INSL6: variants seen among roughly 807,000 people sequenced by gnomAD.
INSL6 encodes the protein insulin-like peptide INSL6.
INSL6 carries 16 observed loss-of-function variants against 9.4 expected under a neutral mutation model. The observed-to-expected ratio is 1.70, with a 90% CI of 1.15 to 2.59. The LOEUF (loss-of-function observed/expected upper bound fraction) is 2.59. Among genes scored for constraint, INSL6 ranks in the 30% most tolerant of loss-of-function variants. The pLI, the probability that INSL6 is intolerant of heterozygous loss-of-function variation, is 0.00. For missense variants in INSL6, 391 were observed against 257.3 expected, an observed-to-expected ratio of 1.52 and a Z score of -3.56; for synonymous variants, 154 against 96.9, an observed-to-expected ratio of 1.59 and a Z score of -3.46.
At chr9:4,997,001 C>T in the INSL6 span, among the ~76,000 whole-genome samples, 2 of 146,470 alleles carry the variant, frequency 1.4e-5, no homozygotes, top group African/African-American at 5.0e-5. Flanking sequence ...GATCACGGCT[C>T]ACTGCAGCCT....
At chr9:5,054,563 C>G in the INSL6 span, 1 of 1,570,250 alleles carries the variant, frequency 6.4e-7, no homozygotes, top group Middle Eastern at 1.7e-4. The surrounding 1 kb of genome is among the most constrained non-coding windows in gnomAD (Gnocchi z 4.9). Flanking sequence ...TTATCCCTAG[C>G]TACAAGACAT....
the INSL6 span, among the ~76,000 whole-genome samples, chr9:5,022,966 A>G: frequency 2.0e-5 from 3 of 152,260 alleles, no homozygotes; most frequent in Non-Finnish European, 4.4e-5. Context: ...CTTATTTAAG[A>G]TCAGTATAGG....
chr9:5,007,733 T>A, the INSL6 span, among the ~76,000 whole-genome samples: 129 of 151,944 alleles, frequency 8.5e-4, no homozygotes, highest in African/African-American at 2.9e-3. Context: ...GTCTTTTTTT[T>A]TTTTGGAGTG....
the INSL6 span, chr9:5,055,826 A>G: frequency 1.3e-6 from 2 of 1,561,850 alleles, no homozygotes; most frequent in South Asian, 2.3e-5. Context: ...GTTTCATTTT[A>G]TAGTTCTCAG....
At chr9:5,070,512 CT>C in the INSL6 span, among the ~76,000 whole-genome samples, 1 of 151,984 alleles carries the variant, frequency 6.6e-6, no homozygotes, top group African/African-American at 2.4e-5. Context: ...AAAGTTGGCC[CT>C]CTATATACAT....
the INSL6 span, among the ~76,000 whole-genome samples, chr9:5,027,376 C>G: frequency 5.3e-5 from 8 of 152,186 alleles, no homozygotes; most frequent in East Asian, 1.5e-3. Context: ...AAGTACATAC[C>G]TTAATTTAAA....
chr9:5,102,196 A>G, the INSL6 span, among the ~76,000 whole-genome samples: 57 of 152,328 alleles, frequency 3.7e-4, no homozygotes, highest in South Asian at 5.0e-3. Context: ...AAGACCTTAA[A>G]TGACCTGATG....
At chr9:4,996,468 A>T in the INSL6 span, among the ~76,000 whole-genome samples, 1 of 152,084 alleles carries the variant, frequency 6.6e-6, no homozygotes, top group Non-Finnish European at 1.5e-5. Flanking sequence ...ATAAATAAAT[A>T]AATAAAAATA....
chr9:5,033,732 T>A, the INSL6 span, among the ~76,000 whole-genome samples: 1 of 152,142 alleles, frequency 6.6e-6, no homozygotes, highest in Non-Finnish European at 1.5e-5. Context: ...AAAGAGCTCC[T>A]GAAGGAAGCA....
chr9:4,997,506 A>G, the INSL6 span, among the ~76,000 whole-genome samples: 3 of 152,156 alleles, frequency 2.0e-5, no homozygotes, highest in Non-Finnish European at 4.4e-5. Context: ...TATCTTCAGG[A>G]CAGCACCAAG....
chr9:5,029,308 T>A, the INSL6 span, among the ~76,000 whole-genome samples: 1 of 152,190 alleles, frequency 6.6e-6, no homozygotes, highest in African/African-American at 2.4e-5. Flanking sequence ...CTTATGTTTG[T>A]CATCTTATAT....
chr9:5,090,941 T>C, the INSL6 span: 2 of 1,435,312 alleles, frequency 1.4e-6, no homozygotes, highest in Non-Finnish European at 9.5e-7. Context: ...ATAAATGAAA[T>C]TTTAGAGCAC....
chr9:5,111,380 T>G, the INSL6 span: 1 of 403,006 alleles, frequency 2.5e-6, no homozygotes, highest in Non-Finnish European at 4.8e-6. Context: ...CCAGCAGCTC[T>G]GGCGGACAGA....
the INSL6 span, among the ~76,000 whole-genome samples, chr9:5,056,883 G>C: frequency 1.3e-5 from 2 of 152,136 alleles, no homozygotes; most frequent in African/African-American, 2.4e-5. Flanking sequence ...AACTTTCCAA[G>C]GGCACAGTGT....
Position 5,185,560 on chromosome 9 carries a change from G to C in INSL6, c.43C>G (p.Leu15Val), listed in dbSNP as rs778810658. 6.2e-7 allele frequency: 1 copy of C among 1,613,936 alleles called. No homozygotes were observed. Among genetic ancestry groups the C allele is most frequent in the South Asian group, 1.1e-5 (1 of 91,062 alleles). Residue 15 changes from leucine (L) to valine (V), a missense_variant, in exon 1 of 2, where the codon CTG becomes GTG. Leu to Val is a conservative substitution (Grantham distance 32, BLOSUM62 1). Transcript: ENST00000381641. ...LRLSLLWLGL[L>V]LVRFSRELSD... The stretch of plus-strand genomic sequence containing the variant: ...AGTTCACGAGAAAACCGAACCAGCA[G>C]GAGTCCAAGCCACAGCAGGGACAAG...
the INSL6 span, among the ~76,000 whole-genome samples, chr9:5,011,831 G>C: frequency 2.6e-5 from 4 of 152,162 alleles, no homozygotes; most frequent in Non-Finnish European, 5.9e-5. Context: ...TTTAGGCTTT[G>C]TTGGGACAGG....
the INSL6 span, among the ~76,000 whole-genome samples, chr9:5,038,482 C>T: frequency 6.6e-6 from 1 of 152,068 alleles, no homozygotes; most frequent in East Asian, 1.9e-4. Context: ...AAGAAAACTA[C>T]AGACCAATGT....
intron 1 of INSL6, among the ~76,000 whole-genome samples, chr9:5,174,054 G>C (rs1378795560): frequency 6.6e-6 from 1 of 152,114 alleles, no homozygotes; most frequent in Non-Finnish European, 1.5e-5. Flanking sequence ...GCCAATTTCT[G>C]CACTTACGTA....
intron 2 of INSL6, among the ~76,000 whole-genome samples, chr9:5,153,342 G>A (rs1207020523): frequency 4.6e-5 from 7 of 152,096 alleles, no homozygotes; most frequent in African/African-American, 1.7e-4. Context: ...TGGGACACTC[G>A]AACTTGGTGC....
Sources: allele counts gnomAD v4.1 joint callset (sites outside exome capture counted in the v4.1 genomes callset), GRCh38; gene constraint gnomAD v4.1.1; non-coding constraint Gnocchi (gnomAD v3.1); transcripts MANE v1.5; gene names NCBI Gene and HGNC (gene_info 2026-07-23, HGNC 2026-07-21).